PLA2G4C: variants seen among roughly 807,000 people sequenced by gnomAD.
PLA2G4C encodes phospholipase A2 group IVC, also known as cytosolic phospholipase A2 gamma.
In PLA2G4C, 64 loss-of-function variants were observed where a neutral mutation model predicts 73.8. That is an observed-to-expected ratio of 0.87 (90% CI 0.71 to 1.07). PLA2G4C has a LOEUF of 1.07. PLA2G4C is among the 50% of genes least tolerant of loss of function. The pLI is 0.00. For missense variants in PLA2G4C, 622 were observed against 665.4 expected (o/e 0.93, Z 0.72); for synonymous variants, 254 against 252.1 (o/e 1.01, Z -0.07).
rs1968034551 is a variant in PLA2G4C at position 48,058,280 on chromosome 19, C to T, written c.1258-3231G>A. On this transcript the variant is annotated intron_variant, in intron 14 of 16. Coordinates refer to ENST00000599921, the MANE Select transcript of PLA2G4C (RefSeq NM_003706.3). Reference sequence around the variant, plus strand: ...TGCCATTGCACTCCAGCCCGGGCAACAAGAGCGAAACTCCGTCTCAAAAAA... The same window carrying T: ...TGCCATTGCACTCCAGCCCGGGCAATAAGAGCGAAACTCCGTCTCAAAAAA... Among the ~76,000 whole-genome samples the T allele has an allele frequency of 2.7e-5, 4 of 150,394 alleles. No individual in the cohort carries two copies. The South Asian group carries it at 8.4e-4, about 32-fold the overall frequency.
intron 10 of PLA2G4C, among the ~76,000 whole-genome samples, chr19:48,082,496 CT>C (rs66641645): frequency 0.019 from 1,983 of 106,200 alleles, 8 homozygotes; most frequent in Middle Eastern, 0.068. Flanking sequence ...TTCTTTCTTT[CT>C]TTTTTTTTTT....
At chr19:48,086,002 G>A (rs1293402947) in intron 9 of PLA2G4C, among the ~76,000 whole-genome samples, 1 of 152,196 alleles carries the variant, frequency 6.6e-6, no homozygotes, top group Non-Finnish European at 1.5e-5. Flanking sequence ...CAGCCAAAAA[G>A]TTCAGGTGGG....
chr19:48,082,399 C>T (rs1217691557), intron 10 of PLA2G4C, among the ~76,000 whole-genome samples: 4 of 151,638 alleles, frequency 2.6e-5, no homozygotes, highest in East Asian at 1.9e-4. Context: ...TCCTGATACA[C>T]GTCGGTTAGG....
At chr19:48,058,552 T>A (rs1051531530) in intron 14 of PLA2G4C, among the ~76,000 whole-genome samples, 20 of 152,112 alleles carry the variant, frequency 1.3e-4, no homozygotes, top group African/African-American at 4.8e-4. Flanking sequence ...GCACAGTGGC[T>A]CATGCCTATA....
chr19:48,065,761 G>C (rs1165328126), intron 13 of PLA2G4C, among the ~76,000 whole-genome samples: 2 of 152,020 alleles, frequency 1.3e-5, no homozygotes, highest in Non-Finnish European at 2.9e-5. Context: ...GATGCCTCCA[G>C]GTAGCAGGCT....
chr19:48,061,023 G>A (rs1226863574), intron 14 of PLA2G4C, among the ~76,000 whole-genome samples: 1 of 152,104 alleles, frequency 6.6e-6, no homozygotes, highest in Non-Finnish European at 1.5e-5. Context: ...TAGCTGGGCA[G>A]GGCGGCTTGT....
intron 4 of PLA2G4C, among the ~76,000 whole-genome samples, chr19:48,101,125 TA>T (rs760312865): frequency 0.1 from 5,789 of 57,314 alleles, 114 homozygotes; most frequent in Non-Finnish European, 0.12. Context: ...TATATATATA[TA>T]TTTTTTTTTT....
chr19:48,077,883 T>C lies in PLA2G4C; in HGVS notation c.845-59A>G, dbSNP rs984324897. 2.4e-5 allele frequency: 34 copies of C among 1,414,296 alleles called. No homozygotes were observed. In the African/African-American group the frequency reaches 3.6e-4, roughly 15 times the overall value. The allele number at this position is 1,414,296 out of a possible 1,614,324, so 87.6% of individuals were successfully genotyped here. A position where few individuals can be genotyped will look rare whatever the true frequency, so the allele number is the denominator to read the frequency against. On this transcript the variant is annotated intron_variant, in intron 10 of 16. Coordinates refer to ENST00000599921, the MANE Select transcript of PLA2G4C (RefSeq NM_003706.3). ...CTGTAAAGTCACTAGTTATAGAAAA[T>C]ACAGATTACCTGCAGCGACGTCTCT... is the stretch of plus-strand genomic sequence containing the variant.
intron 15 of PLA2G4C, 48 bp from the exon 16 acceptor site, chr19:48,053,195 A>C: frequency 6.9e-7 from 1 of 1,440,118 alleles, no homozygotes; most frequent in Non-Finnish European, 9.5e-7. Flanking sequence ...GAGTTTGGAC[A>C]ATTAATTCTG....
At chr19:48,065,962 G>A (rs544501379) in intron 13 of PLA2G4C, among the ~76,000 whole-genome samples, 11 of 151,798 alleles carry the variant, frequency 7.2e-5, no homozygotes, top group South Asian at 2.1e-4. Flanking sequence ...GCGTGGTGGC[G>A]CATGCCTGTA....
At position 48,048,188 on chromosome 19, in the gene PLA2G4C, A is replaced by T; in HGVS notation, c.*155T>A. 1 of 600,500 alleles carries T rather than the reference A, an allele frequency of 1.7e-6. No homozygotes were observed. Among genetic ancestry groups the T allele is most frequent in the South Asian group, 2.1e-5 (1 of 48,348 alleles). 37.2% of individuals were successfully genotyped at this position (600,500 alleles called of 1,614,324 possible). A position where few individuals can be genotyped will look rare whatever the true frequency, so the allele number is the denominator to read the frequency against. ...AATGACGCTATCAAAATCACAGTCT[A>T]GCTGGTCACTGGTGATTGGCCCTGT... On this transcript the variant is annotated 3_prime_UTR_variant, in exon 17 of 17. Coordinates refer to ENST00000599921, the MANE Select transcript of PLA2G4C (RefSeq NM_003706.3).
In PLA2G4C at chr19:48,053,055, T is replaced by G; in HGVS notation, c.1522A>C (p.Lys508Gln). Reference sequence around the variant, plus strand: ...TTCTTGTTTTCCCTGACATTCTTCTTGGCTAATGCCAAGAGTAGCACCACC... The same window carrying G: ...TTCTTGTTTTCCCTGACATTCTTCTGGGCTAATGCCAAGAGTAGCACCACC... ...DVVVLLLALA[K>Q]KNVRENKKKI... Residue 508 changes from lysine to glutamine, a missense_variant, in exon 16 of 17, where the codon AAG (lysine) becomes CAG (glutamine). Transcript: ENST00000599921. 1.2e-6 allele frequency: 2 copies of G among 1,613,724 alleles called. No individual in the cohort carries two copies. The highest frequency in any genetic ancestry group is 1.3e-5 in the African/African-American group (1 of 75,062).
chr19:48,074,839 C>T lies in PLA2G4C; in HGVS notation c.934G>A (p.Glu312Lys). 6.2e-7 allele frequency: 1 copy of T among 1,612,284 alleles called. No homozygotes were observed. The highest frequency in any genetic ancestry group is 8.5e-7 in the Non-Finnish European group (1 of 1,179,070). ...GGEPEHTWLTEMLENWTRTSL... is the reference protein window; with the variant it reads ...GGEPEHTWLTKMLENWTRTSL... ...GTCCTGGTCCAATTCTCGAGCATCT[C>T]AGTCAGCCAGGTGTGTTCAGGCTCA... is the stretch of plus-strand genomic sequence containing the variant. Residue 312 changes from glutamate to lysine, a missense_variant, in exon 12 of 17, where the codon GAG becomes AAG. By Grantham distance (56) the Glu-to-Lys change is moderately conservative (BLOSUM62 1). Transcript: ENST00000599921.
chr19:48,049,446 T>G lies in PLA2G4C; in HGVS notation c.1581-1058A>C, dbSNP rs186065677. Among the ~76,000 whole-genome samples, 190 of 152,128 alleles carry G rather than the reference T, an allele frequency of 1.2e-3. 3 individuals are homozygous for G. The highest frequency in any genetic ancestry group is 4.4e-3 in the African/African-American group (182 of 41,530). ...CACGTTCGGTCGTCTCCATGGCACTTACTCTCCATGGCCATCCTGTTGACT... is the reference window on the plus strand; with the variant it reads ...CACGTTCGGTCGTCTCCATGGCACTGACTCTCCATGGCCATCCTGTTGACT... On this transcript the variant is annotated intron_variant, in intron 16 of 16. Transcript: ENST00000599921.
intron 13 of PLA2G4C, among the ~76,000 whole-genome samples, chr19:48,063,663 C>G (rs1968291460): frequency 6.7e-6 from 1 of 148,920 alleles, no homozygotes; most frequent in African/African-American, 2.5e-5. Context: ...CCAGGGCACC[C>G]CAGAGTTAAC....
At chr19:48,054,561 C>T (rs1028294852) in intron 15 of PLA2G4C, among the ~76,000 whole-genome samples, 12 of 151,846 alleles carry the variant, frequency 7.9e-5, no homozygotes, top group East Asian at 1.9e-4. Context: ...GTGATCCGCC[C>T]GCCTCAGCCT....
At position 48,099,772 on chromosome 19, in the gene PLA2G4C, A is replaced by T; in HGVS notation, c.346T>A (p.Leu116Met). Residue 116 changes from leucine (L) to methionine (M), a missense_variant, in exon 5 of 17, where the codon TTG becomes ATG. Physicochemically the swap from Leu to Met is conservative, Grantham distance 15. Transcript: ENST00000599921. ...ATGGTTTTCTGTAGGCTCTTAGCCAAGTCCCACTCCTGTCGGGTAAATCGA... is the reference window on the plus strand; with the variant it reads ...ATGGTTTTCTGTAGGCTCTTAGCCATGTCCCACTCCTGTCGGGTAAATCGA... The part of the protein sequence containing the change: ...KHRFTRQEWD[L>M]AKSLQKTIQA... 6.2e-7 allele frequency: 1 copy of T among 1,614,042 alleles called. No homozygotes were observed. Among genetic ancestry groups the T allele is most frequent in the Non-Finnish European group, 8.5e-7 (1 of 1,179,886 alleles).
intron 13 of PLA2G4C, chr19:48,063,775 A>G (rs1968296278): frequency 6.6e-6 from 1 of 151,534 alleles, no homozygotes; most frequent in Non-Finnish European, 1.5e-5. Context: ...AGCATTTAAT[A>G]TCCACCCAGA....
intron 11 of PLA2G4C, among the ~76,000 whole-genome samples, chr19:48,076,953 C>T (rs981913587): frequency 5.9e-5 from 9 of 152,114 alleles, no homozygotes; most frequent in African/African-American, 2.2e-4. Flanking sequence ...AATATAGTCT[C>T]CTCCATAATA....
Sources: gnomAD v4.1 joint callset for allele counts (sites outside exome capture counted in the v4.1 genomes callset) on GRCh38, gnomAD v4.1.1 for gene constraint, MANE v1.5 for transcripts, NCBI Gene and HGNC (gene_info 2026-07-23, HGNC 2026-07-21) for gene names.